The following SHROOM3 variants were observed in gnomAD, a reference collection of about 807,000 sequenced individuals.
SHROOM3 encodes the protein shroom family member 3, also known as protein Shroom3.
Under a neutral mutation model 138.6 loss-of-function variants are expected in SHROOM3, and 47 were observed. The ratio of observed to expected loss-of-function variants is 0.34; its 90% CI spans 0.27 to 0.43. The LOEUF (loss-of-function observed/expected upper bound fraction) is 0.43. Ranked by LOEUF, SHROOM3 falls within the 20% of genes least tolerant of loss-of-function variation. The pLI, the probability that SHROOM3 is intolerant of heterozygous loss-of-function variation, is 1.00. For synonymous variants in SHROOM3, 1,062 were observed against 1,063.3 expected (o/e 1.00, Z 0.02); for missense variants, 2,491 against 2,596.5 (o/e 0.96, Z 0.88).
At chr4:76,558,979 A>G (rs570839347) in intron 2 of SHROOM3, among the ~76,000 whole-genome samples, 136 of 152,296 alleles carry the variant, frequency 8.9e-4, no homozygotes, top group African/African-American at 3.2e-3. Flanking sequence ...CATGCTGCCA[A>G]CGTTCTCCTC....
At chr4:76,564,692 T>G (rs911951098) in intron 2 of SHROOM3, among the ~76,000 whole-genome samples, 2 of 152,212 alleles carry the variant, frequency 1.3e-5, no homozygotes, top group African/African-American at 4.8e-5. Context: ...TTACTGGCTA[T>G]GCACTAAACA....
At chr4:76,669,115 T>C (rs1718804505) in intron 2 of SHROOM3, among the ~76,000 whole-genome samples, 1 of 152,240 alleles carries the variant, frequency 6.6e-6, no homozygotes, top group Admixed American at 6.5e-5. Context: ...TCAGCTCTTA[T>C]CTTTCTATTC....
rs1315498842 is a variant in SHROOM3, at chr4:76,780,548, A to T, written c.*1371A>T. On this transcript the variant is annotated 3_prime_UTR_variant, in exon 11 of 11. Coordinates refer to ENST00000296043, the MANE Select transcript of SHROOM3 (RefSeq NM_020859.4). ...AAATTTTGAAGTAAAAAAAAAAAAAAAATGACAAGGGAACCAAATGCTCCT... is the reference window on the plus strand; with the variant it reads ...AAATTTTGAAGTAAAAAAAAAAAAATAATGACAAGGGAACCAAATGCTCCT... 1 of 152,142 alleles carries T rather than the reference A, an allele frequency of 6.6e-6. No homozygotes were observed. Among genetic ancestry groups the T allele is most frequent in the African/African-American group, 2.4e-5 (1 of 41,428 alleles). 9.4% of individuals were successfully genotyped at this position (152,142 alleles called of 1,614,324 possible).
At chr4:76,596,772 A>G (rs1401396428) in intron 2 of SHROOM3, among the ~76,000 whole-genome samples, 1 of 152,150 alleles carries the variant, frequency 6.6e-6, no homozygotes, top group Non-Finnish European at 1.5e-5. Context: ...ATTTGCAACA[A>G]CAATAACAAA....
At chr4:76,466,764 C>A (rs1225045648) in intron 1 of SHROOM3, among the ~76,000 whole-genome samples, 1 of 151,952 alleles carries the variant, frequency 6.6e-6, no homozygotes, top group Non-Finnish European at 1.5e-5. Flanking sequence ...CGACAAAAAC[C>A]AAATCCTAAG....
chr4:76,763,850 T>C (rs1192943940), intron 9 of SHROOM3, among the ~76,000 whole-genome samples: 1 of 152,218 alleles, frequency 6.6e-6, no homozygotes, highest in Non-Finnish European at 1.5e-5. Context: ...TAAGTGATGT[T>C]GTTGAAAACA....
At chr4:76,523,841 C>T (rs73826219) in intron 1 of SHROOM3, among the ~76,000 whole-genome samples, 1 of 152,196 alleles carries the variant, frequency 6.6e-6, no homozygotes, top group African/African-American at 2.4e-5. Context: ...GCCAGTTGGC[C>T]AGAATAGTTG....
chr4:76,506,525 C>T (rs1732215506), intron 1 of SHROOM3, among the ~76,000 whole-genome samples: 1 of 152,150 alleles, frequency 6.6e-6, no homozygotes, highest in African/African-American at 2.4e-5. Flanking sequence ...CTCACAGATA[C>T]TGCAGGATGT....
chr4:76,491,206 G>A (rs973986727), intron 1 of SHROOM3, among the ~76,000 whole-genome samples: 3 of 152,184 alleles, frequency 2.0e-5, no homozygotes, highest in Non-Finnish European at 4.4e-5. Flanking sequence ...CCAGATGTGG[G>A]AATTAGGGAA....
At chr4:76,602,276 T>TA (rs1161708431) in intron 2 of SHROOM3, among the ~76,000 whole-genome samples, 1 of 151,186 alleles carries the variant, frequency 6.6e-6, no homozygotes. Context: ...TAAGAATAAC[T>TA]AAAAAAAAAT....
chr4:76,498,220 T>A (rs1049553359), intron 1 of SHROOM3, among the ~76,000 whole-genome samples: 1 of 152,348 alleles, frequency 6.6e-6, no homozygotes, highest in East Asian at 1.9e-4. Context: ...GTTTGCACTT[T>A]CAGTTCCCAG....
chr4:76,643,963 G>A (rs568483064), intron 2 of SHROOM3, among the ~76,000 whole-genome samples: 2 of 151,830 alleles, frequency 1.3e-5, no homozygotes, highest in South Asian at 2.1e-4. Context: ...TCCTGCCTCG[G>A]CCTCCAAAGT....
intron 1 of SHROOM3, among the ~76,000 whole-genome samples, chr4:76,533,841 G>A (rs531727934): frequency 6.6e-5 from 10 of 152,150 alleles, no homozygotes; most frequent in Non-Finnish European, 1.3e-4. Context: ...CTCAAGCTGC[G>A]TTTTGTTTTT....
At chr4:76,482,103 G>C (rs1242773663) in intron 1 of SHROOM3, among the ~76,000 whole-genome samples, 1 of 152,090 alleles carries the variant, frequency 6.6e-6, no homozygotes, top group African/African-American at 2.4e-5. Flanking sequence ...ATAAGACAAG[G>C]ATACCCACTC....
intron 1 of SHROOM3, among the ~76,000 whole-genome samples, chr4:76,524,575 C>A (rs57722497): frequency 6.6e-6 from 1 of 152,194 alleles, no homozygotes; most frequent in South Asian, 2.1e-4. Context: ...AACAGGGTTT[C>A]TCCCTGCTGC....
At chr4:76,694,805 A>C (rs1348022422) in intron 2 of SHROOM3, among the ~76,000 whole-genome samples, 2 of 152,220 alleles carry the variant, frequency 1.3e-5, no homozygotes, top group African/African-American at 4.8e-5. Flanking sequence ...ACTAGGAGTC[A>C]AGCACTGTCT....
At chr4:76,446,432 C>A (rs1171419275) in intron 1 of SHROOM3, among the ~76,000 whole-genome samples, 1 of 144,896 alleles carries the variant, frequency 6.9e-6, no homozygotes, top group East Asian at 2.0e-4. Context: ...GTGGGGGATG[C>A]ACATCTACTT....
intron 2 of SHROOM3, among the ~76,000 whole-genome samples, chr4:76,676,992 A>G (rs1719057998): frequency 6.6e-6 from 1 of 151,718 alleles, no homozygotes; most frequent in South Asian, 2.1e-4. Context: ...AAAATTTCTG[A>G]CCGTTATAGC....
chr4:76,542,356 C>A (rs968964928), intron 1 of SHROOM3, among the ~76,000 whole-genome samples: 1 of 152,172 alleles, frequency 6.6e-6, no homozygotes, highest in Non-Finnish European at 1.5e-5. Flanking sequence ...CCAGAGATGT[C>A]CACCTCCTAG....
Sources: allele counts gnomAD v4.1 joint callset (sites outside exome capture counted in the v4.1 genomes callset), GRCh38; gene constraint gnomAD v4.1.1; transcripts MANE v1.5; gene names NCBI Gene and HGNC (gene_info 2026-07-23, HGNC 2026-07-21).